FBXL5: variants seen among roughly 807,000 people sequenced by gnomAD.
FBXL5 encodes the protein F-box/LRR-repeat protein 5.
FBXL5 carries 26 observed loss-of-function variants against 78.3 expected under a neutral mutation model. The ratio of observed to expected loss-of-function variants is 0.33; its 90% confidence interval spans 0.24 to 0.46. The LOEUF (loss-of-function observed/expected upper bound fraction) is 0.46. FBXL5 is among the 20% of genes least tolerant of loss of function. The probability of loss-of-function intolerance (pLI) is 1.00; values close to 1 mark genes in which losing one functional copy is unlikely to be tolerated. For synonymous variants in FBXL5, 295 were observed against 282.5 expected (o/e 1.04, Z -0.45); for missense variants, 710 against 829.2 (o/e 0.86, Z 1.77).
intron 5 of FBXL5, among the ~76,000 whole-genome samples, chr4:15,635,998 T>G (rs1714224225): frequency 1.3e-5 from 2 of 152,036 alleles, no homozygotes; most frequent in Non-Finnish European, 2.9e-5. Context: ...AAAAACAGAT[T>G]CACAATTATT....
intron 9 of FBXL5, among the ~76,000 whole-genome samples, chr4:15,613,320 A>G (rs1294104585): frequency 1.3e-5 from 2 of 152,220 alleles, no homozygotes; most frequent in Admixed American, 1.3e-4. Flanking sequence ...AATTAATCGT[A>G]TACTTTTAAA....
At chr4:15,637,563 AT>A (rs1221623994) in intron 4 of FBXL5, among the ~76,000 whole-genome samples, 11 of 152,162 alleles carry the variant, frequency 7.2e-5, no homozygotes, top group Admixed American at 5.2e-4. Context: ...TACAGCTACA[AT>A]TTGCTTTGAA....
chr4:15,610,656 C>T (rs1054120279), intron 10 of FBXL5, among the ~76,000 whole-genome samples: 1 of 151,990 alleles, frequency 6.6e-6, no homozygotes, highest in Non-Finnish European at 1.5e-5. Context: ...AGTTTAAAAA[C>T]ATACAAACAT....
In FBXL5 at chr4:15,627,933, A is replaced by G. The variant is rs773005719; in HGVS notation, c.993T>C (p.Ser331=). The G allele has an allele frequency of 1.9e-5, 31 of 1,613,744 alleles. No individual in the cohort carries two copies. Among genetic ancestry groups the G allele is most frequent in the Non-Finnish European group, 2.3e-5 (27 of 1,179,884 alleles). The part of the protein sequence containing the change: ...IHNVLPYVGT[S]VKTLVLAYSS... ...TGTATGCTAATACTAAGGTTTTTAC[A>G]GAAGTACCAACATATGGTAGAACGT... Residue 331 remains serine, a synonymous_variant, in exon 7 of 11, where the codon TCT becomes TCC. Transcript: ENST00000341285.
chr4:15,640,768 G>A lies in FBXL5; in HGVS notation c.396+20C>T, dbSNP rs369379679. ...TAAGAATGTTATAAATCTAAATCACGAAAGAAAAATTATGCTTACCTCCTC... is the reference window on the plus strand; with the variant it reads ...TAAGAATGTTATAAATCTAAATCACAAAAGAAAAATTATGCTTACCTCCTC... On this transcript the variant is annotated intron_variant, in intron 3 of 10. Coordinates refer to ENST00000341285, the MANE Select transcript of FBXL5 (RefSeq NM_012161.4). 49 of 1,351,272 alleles carry A rather than the reference G, an allele frequency of 3.6e-5. 1 individual carries two copies. The highest frequency in any genetic ancestry group is 1.1e-4 in the South Asian group (8 of 74,972). 83.7% of individuals were successfully genotyped at this position (1,351,272 alleles called of 1,614,324 possible).
At chr4:15,666,304 T>C (rs1304910661) in intron 1 of FBXL5, among the ~76,000 whole-genome samples, 2 of 150,676 alleles carry the variant, frequency 1.3e-5, no homozygotes, top group Non-Finnish European at 3.0e-5. Context: ...GAGGCTGAGG[T>C]GGGAAGATTG....
intron 1 of FBXL5, among the ~76,000 whole-genome samples, chr4:15,673,810 T>A (rs544313288): frequency 1.1e-4 from 16 of 152,284 alleles, no homozygotes; most frequent in African/African-American, 3.6e-4. Context: ...CCAGGCTCTA[T>A]CAACAGAGGG....
chr4:15,608,823 T>G (rs1238108278), intron 10 of FBXL5, among the ~76,000 whole-genome samples: 4 of 152,138 alleles, frequency 2.6e-5, no homozygotes, highest in African/African-American at 9.7e-5. Flanking sequence ...TTGATCCCAA[T>G]AATCATGAAA....
intron 1 of FBXL5, among the ~76,000 whole-genome samples, chr4:15,651,617 T>C (rs567100320): frequency 3.9e-5 from 6 of 152,282 alleles, no homozygotes; most frequent in Non-Finnish European, 8.8e-5. Flanking sequence ...AATAAAGCTA[T>C]ACTCACTCAT....
At chr4:15,635,048 G>A (rs1053339520) in intron 5 of FBXL5, among the ~76,000 whole-genome samples, 5 of 151,756 alleles carry the variant, frequency 3.3e-5, no homozygotes, top group Admixed American at 2.0e-4. Flanking sequence ...AGTACTATAC[G>A]TGGCCGGGCA....
upstream of FBXL5, among the ~76,000 whole-genome samples, chr4:15,655,741 C>G (rs1577497270): frequency 6.6e-6 from 1 of 152,202 alleles, no homozygotes; most frequent in Non-Finnish European, 1.5e-5. Flanking sequence ...CTTGTGCCCA[C>G]GCCCCGACGC....
At chr4:15,666,191 G>A (rs1717537189) in intron 1 of FBXL5, among the ~76,000 whole-genome samples, 1 of 152,108 alleles carries the variant, frequency 6.6e-6, no homozygotes, top group South Asian at 2.1e-4. Flanking sequence ...TTGAGCCCAG[G>A]AGTTCAAAAC....
intron 7 of FBXL5, among the ~76,000 whole-genome samples, 176 bp from the exon 8 acceptor site, chr4:15,627,131 CTTTTTTTTTTT>C (rs33920814): frequency 1.1e-5 from 1 of 87,828 alleles, no homozygotes; most frequent in Non-Finnish European, 2.2e-5. Flanking sequence ...CTGAGAATCT[CTTTTTTTTTTT>C]TTTTTTTTTT....
chr4:15,656,225 T>C (rs983652438), upstream of FBXL5: 25 of 456,130 alleles, frequency 5.5e-5, no homozygotes, highest in Non-Finnish European at 9.3e-5. Flanking sequence ...ACAAGGTCAC[T>C]AACCCAGGAA....
At chr4:15,653,523 C>A (rs989835297) in intron 1 of FBXL5, among the ~76,000 whole-genome samples, 1 of 152,154 alleles carries the variant, frequency 6.6e-6, no homozygotes, top group African/African-American at 2.4e-5. Flanking sequence ...GGAAAATGGA[C>A]ACACGCACAA....
Position 15,612,419 on chromosome 4 carries a change from A to G in FBXL5, c.1851-5T>C, listed in dbSNP as rs756424974. ...CCTCCTCCCAGAGTCAAAACCCTGT[A>G]AGAAAAATAATTTGACAATTAGAAG... is the stretch of plus-strand genomic sequence containing the variant. On this transcript the variant is annotated splice_region_variant and splice_polypyrimidine_tract_variant and intron_variant, in intron 9 of 10. Transcript: ENST00000341285. 153 of 1,593,396 alleles carry G rather than the reference A, an allele frequency of 9.6e-5. No individual in the cohort carries two copies. Among genetic ancestry groups the G allele is most frequent in the Non-Finnish European group, 1.3e-4 (147 of 1,175,084 alleles).
chr4:15,661,321 G>A (rs2148769355), upstream of FBXL5, among the ~76,000 whole-genome samples: 1 of 152,238 alleles, frequency 6.6e-6, no homozygotes, highest in South Asian at 2.1e-4. Context: ...GTTGGAGTGT[G>A]GAACCAGTAT....
At chr4:15,612,148 A>T in intron 10 of FBXL5, 118 bp downstream of exon 10, 1 of 764,428 alleles carries the variant, frequency 1.3e-6, no homozygotes, top group Non-Finnish European at 1.9e-6. Context: ...ACTAAATCTG[A>T]AAGTAAGATA....
At chr4:15,615,415 C>T (rs1418430579) in intron 9 of FBXL5, among the ~76,000 whole-genome samples, 1 of 151,436 alleles carries the variant, frequency 6.6e-6, no homozygotes, top group African/African-American at 2.4e-5. Flanking sequence ...TTATGTCTAG[C>T]TCAGGGATTG....
Sources: allele counts gnomAD v4.1 joint callset (sites outside exome capture counted in the v4.1 genomes callset), GRCh38; gene constraint gnomAD v4.1.1; transcripts MANE v1.5; gene names NCBI Gene and HGNC (gene_info 2026-07-23, HGNC 2026-07-21).